Variants in FBP2 observed in about 807,000 individuals in gnomAD.
FBP2 encodes fructose-1,6-bisphosphatase isozyme 2.
A neutral mutation model predicts 31.6 loss-of-function variants in FBP2; 27 were observed. That is an observed-to-expected ratio of 0.85 (90% CI 0.63 to 1.18). The LOEUF (loss-of-function observed/expected upper bound fraction) is 1.18, where lower values mean the gene tolerates loss of function less well. Among genes scored for constraint, FBP2 ranks in the 50% most tolerant of loss-of-function variants. The pLI is 0.00. For missense variants in FBP2, 421 were observed against 436.1 expected (o/e 0.97, Z 0.31); for synonymous variants, 168 against 179.8 (o/e 0.93, Z 0.53).
At chr9:94,578,423 TA>T (rs1425740584) in intron 3 of FBP2, among the ~76,000 whole-genome samples, 6 of 152,186 alleles carry the variant, frequency 3.9e-5, no homozygotes, top group Admixed American at 3.9e-4. Context: ...ACTTAAAGAT[TA>T]AAAAATTAAA....
At chr9:94,560,712 T>A (rs1209022242) in intron 6 of FBP2, among the ~76,000 whole-genome samples, 1 of 147,000 alleles carries the variant, frequency 6.8e-6, no homozygotes, top group Non-Finnish European at 1.5e-5. Flanking sequence ...TTATATGTTA[T>A]TATATATTAT....
intron 4 of FBP2, 80 bp downstream of exon 4, chr9:94,571,382 C>T: frequency 7.3e-7 from 1 of 1,376,120 alleles, no homozygotes; most frequent in Admixed American, 2.4e-5. Flanking sequence ...ATAACCAGGA[C>T]ATTATCGCAG....
chr9:94,590,665 CAA>C (rs1454759144), intron 1 of FBP2, among the ~76,000 whole-genome samples: 6 of 152,314 alleles, frequency 3.9e-5, no homozygotes, highest in Non-Finnish European at 5.9e-5. Flanking sequence ...AGCGTGGACC[CAA>C]AGAGTGAGCA....
At chr9:94,563,889 G>A (rs688843) in intron 5 of FBP2, among the ~76,000 whole-genome samples, 38,638 of 152,066 alleles carry the variant, frequency 0.25, 6,252 homozygotes, top group East Asian at 0.53. Flanking sequence ...CAAAAAAGAC[G>A]AAAAGGACAT....
intron 3 of FBP2, among the ~76,000 whole-genome samples, chr9:94,575,805 G>A (rs1827309656): frequency 6.6e-6 from 1 of 152,182 alleles, no homozygotes; most frequent in South Asian, 2.1e-4. Context: ...TCTGGAAGAG[G>A]AGAATGGTGT....
At chr9:94,584,469 G>A (rs560688692) in intron 3 of FBP2, 108 bp downstream of exon 3, 18 of 718,204 alleles carry the variant, frequency 2.5e-5, no homozygotes, top group Admixed American at 2.0e-4. Context: ...GGCTTTTCTC[G>A]TTAGTGGGAA....
intron 3 of FBP2, among the ~76,000 whole-genome samples, chr9:94,583,848 C>A (rs1827397153): frequency 6.6e-6 from 1 of 152,146 alleles, no homozygotes; most frequent in South Asian, 2.1e-4. Flanking sequence ...CTCAAGTGAT[C>A]CGCCCGCCTC....
intron 6 of FBP2, among the ~76,000 whole-genome samples, chr9:94,563,011 C>G (rs540878131): frequency 3.1e-4 from 47 of 152,274 alleles, no homozygotes; most frequent in Non-Finnish European, 5.0e-4. Flanking sequence ...GGACCATCAT[C>G]CCAGATCAGC....
rs1417658947 is a variant in FBP2, at chr9:94,563,373, T to A, written c.794A>T (p.Tyr265Phe). The change falls in exon 6 of 7, where the codon TAC (tyrosine) becomes TTC (phenylalanine). Residue 265 changes from tyrosine (Y) to phenylalanine (F), a missense_variant. Tyr to Phe is a conservative substitution (Grantham distance 22). Coordinates refer to ENST00000375337, the MANE Select transcript of FBP2 (RefSeq NM_003837.4). ...CTTAGGGCTCTTCTGGTTGGCTGGG[T>A]ACAGGAAGATTCCTCCATAGACCAG... Reference protein sequence around the residue: ...RTLVYGGIFLYPANQKSPKGK... With the variant: ...RTLVYGGIFLFPANQKSPKGK... 1.2e-6 allele frequency: 2 copies of A among 1,614,054 alleles called. No homozygotes were observed. Among genetic ancestry groups the A allele is most frequent in the Admixed American group, 1.7e-5 (1 of 60,014 alleles).
chr9:94,561,135 G>C (rs1380451639), intron 6 of FBP2, among the ~76,000 whole-genome samples: 1 of 152,058 alleles, frequency 6.6e-6, no homozygotes, highest in Non-Finnish European at 1.5e-5. Context: ...TGGGGGATTT[G>C]GGGTATCAGA....
chr9:94,579,354 T>C (rs1042924495), intron 3 of FBP2, among the ~76,000 whole-genome samples: 14 of 133,370 alleles, frequency 1.0e-4, no homozygotes, highest in African/African-American at 3.9e-4. Context: ...GCCGAGATTA[T>C]GCCACCGCAC....
intron 5 of FBP2, among the ~76,000 whole-genome samples, chr9:94,565,386 A>AAAAGG (rs35802953): frequency 3.3e-5 from 1 of 29,856 alleles, no homozygotes; most frequent in Non-Finnish European, 6.1e-5. Flanking sequence ...AAAAAAAAAA[A>AAAAGG]GATGTTCCCA....
chr9:94,571,071 A>C (rs1327636735), intron 4 of FBP2, among the ~76,000 whole-genome samples: 2 of 152,224 alleles, frequency 1.3e-5, no homozygotes, highest in Non-Finnish European at 2.9e-5. Context: ...CAGCATTTAA[A>C]AGTGAAATTC....
At chr9:94,565,753 GAAA>G (rs1475134847) in intron 5 of FBP2, among the ~76,000 whole-genome samples, 6 of 116,336 alleles carry the variant, frequency 5.2e-5, no homozygotes, top group Admixed American at 9.8e-5. Flanking sequence ...TAGATAGATA[GAAA>G]ATAGATACAT....
intron 3 of FBP2, among the ~76,000 whole-genome samples, chr9:94,584,045 A>G (rs1827399615): frequency 6.6e-6 from 1 of 152,234 alleles, no homozygotes; most frequent in South Asian, 2.1e-4. Context: ...GGTAGGCAGA[A>G]TGGCCCAAAA....
intron 2 of FBP2, chr9:94,586,745 A>G (rs1386963383): frequency 1.3e-5 from 2 of 152,276 alleles, no homozygotes; most frequent in African/African-American, 4.8e-5. Context: ...CTCTCTGTAT[A>G]ATAAGCTGTG....
intron 4 of FBP2, chr9:94,570,100 T>G (rs1827251301): frequency 1.3e-5 from 2 of 152,250 alleles, no homozygotes; most frequent in South Asian, 4.1e-4. Context: ...TTCTGTCATG[T>G]TGACAAGCTC....
At chr9:94,569,348 C>A (rs1266993112) in intron 4 of FBP2, 3 of 152,262 alleles carry the variant, frequency 2.0e-5, no homozygotes, top group African/African-American at 7.2e-5. Flanking sequence ...CCAGGGTCCT[C>A]AGCTTTCCCA....
In FBP2 at chr9:94,563,476, G is replaced by T; in HGVS notation, c.706-15C>A. 1 of 1,611,232 alleles carries T rather than the reference G, an allele frequency of 6.2e-7. No homozygotes were observed. Among genetic ancestry groups the T allele is most frequent in the South Asian group, 1.1e-5 (1 of 90,816 alleles). The stretch of plus-strand genomic sequence containing the variant: ...GCACTGCCATCCTAGAAGACAGAAA[G>T]CGAAGAGACAAGATCCAGTGGCTTT... On this transcript the variant is annotated splice_polypyrimidine_tract_variant and intron_variant, in intron 5 of 6. Coordinates refer to ENST00000375337, the MANE Select transcript of FBP2 (RefSeq NM_003837.4).
Sources: allele counts gnomAD v4.1 joint callset (sites outside exome capture counted in the v4.1 genomes callset), GRCh38; gene constraint gnomAD v4.1.1; transcripts MANE v1.5; gene names NCBI Gene and HGNC (gene_info 2026-07-23, HGNC 2026-07-21).